HSDL2: variants seen among roughly 807,000 people sequenced by gnomAD.
The protein encoded by HSDL2 is hydroxysteroid dehydrogenase-like protein 2.
In HSDL2, 27 loss-of-function variants were observed where a neutral mutation model predicts 46.3. That is an observed-to-expected ratio of 0.58 (90% CI 0.43 to 0.80). HSDL2 has a LOEUF of 0.80. Ranked by LOEUF, HSDL2 falls within the 30% of genes least tolerant of loss-of-function variation. The probability of loss-of-function intolerance (pLI) is 0.00; values close to 1 mark genes in which losing one functional copy is unlikely to be tolerated. For synonymous variants in HSDL2, 153 were observed against 163.6 expected, an observed-to-expected ratio of 0.94 and a Z score of 0.50; for missense variants, 451 against 502.7, an observed-to-expected ratio of 0.90 and a Z score of 0.98.
intron 10 of HSDL2, among the ~76,000 whole-genome samples, chr9:112,467,399 T>C (rs1048180916): frequency 1.3e-5 from 2 of 152,146 alleles, no homozygotes; most frequent in Non-Finnish European, 2.9e-5. Context: ...TGCCAGAGTC[T>C]GGAGGCAGGG....
chr9:112,439,962 A>G (rs1179006290), intron 7 of HSDL2, among the ~76,000 whole-genome samples: 2 of 152,166 alleles, frequency 1.3e-5, no homozygotes, highest in Non-Finnish European at 2.9e-5. Context: ...GATAATGTAT[A>G]ATGTGTTTGG....
intron 1 of HSDL2, among the ~76,000 whole-genome samples, chr9:112,394,814 A>C (rs1316572880): frequency 6.6e-6 from 1 of 152,190 alleles, no homozygotes; most frequent in Non-Finnish European, 1.5e-5. Flanking sequence ...CATTAAATGC[A>C]GTGCCTTCTT....
intron 10 of HSDL2, among the ~76,000 whole-genome samples, chr9:112,467,210 A>AT (rs1186105967): frequency 2.4e-4 from 36 of 152,110 alleles, no homozygotes; most frequent in African/African-American, 8.7e-4. Flanking sequence ...AGTGTGGTAT[A>AT]TACATATAAT....
At chr9:112,434,193 G>A (rs905486544) in intron 6 of HSDL2, 4 of 152,240 alleles carry the variant, frequency 2.6e-5, no homozygotes, top group African/African-American at 9.7e-5. Flanking sequence ...ACTGGTCTGG[G>A]CAAGTATGGT....
At chr9:112,424,871 C>T (rs972525545) in intron 6 of HSDL2, among the ~76,000 whole-genome samples, 5 of 150,646 alleles carry the variant, frequency 3.3e-5, no homozygotes, top group African/African-American at 1.2e-4. Context: ...AACTATATAC[C>T]TTTATTACAA....
At chr9:112,412,944 A>G (rs1465762549) in intron 4 of HSDL2, among the ~76,000 whole-genome samples, 2 of 151,892 alleles carry the variant, frequency 1.3e-5, no homozygotes, top group Non-Finnish European at 2.9e-5. Context: ...CTCTGTTTTA[A>G]AAAAAATTAC....
At chr9:112,462,821 T>C (rs531419328) in intron 10 of HSDL2, among the ~76,000 whole-genome samples, 19 of 152,280 alleles carry the variant, frequency 1.2e-4, no homozygotes, top group Non-Finnish European at 2.6e-4. Flanking sequence ...AAAAATTCTC[T>C]CATGTCTCTT....
At chr9:112,458,384 G>A (rs1390452201) in intron 9 of HSDL2, among the ~76,000 whole-genome samples, 2 of 149,120 alleles carry the variant, frequency 1.3e-5, no homozygotes, top group Non-Finnish European at 3.0e-5. Flanking sequence ...GGAGTGCAAT[G>A]GCGCGATCTT....
chr9:112,447,594 A>T (rs1385346235), intron 8 of HSDL2, among the ~76,000 whole-genome samples: 1 of 152,206 alleles, frequency 6.6e-6, no homozygotes, highest in East Asian at 1.9e-4. Flanking sequence ...ACATGAAGGA[A>T]GCCTGTGTCA....
At chr9:112,445,508 A>G (rs1033076767) in intron 8 of HSDL2, among the ~76,000 whole-genome samples, 2 of 150,504 alleles carry the variant, frequency 1.3e-5, no homozygotes, top group Non-Finnish European at 2.9e-5. Context: ...CCTGTTTCAT[A>G]TAGTTTTTTT....
chr9:112,395,135 G>A (rs1178960931), intron 1 of HSDL2, among the ~76,000 whole-genome samples: 1 of 152,104 alleles, frequency 6.6e-6, no homozygotes, highest in Non-Finnish European at 1.5e-5. Flanking sequence ...TTTTAGGTTC[G>A]TAAGGAGAAA....
intron 10 of HSDL2, among the ~76,000 whole-genome samples, chr9:112,466,844 A>T (rs1350708100): frequency 6.6e-6 from 1 of 152,084 alleles, no homozygotes; most frequent in Non-Finnish European, 1.5e-5. Context: ...TTTTAAGTTA[A>T]TTTTTGTAGA....
intron 7 of HSDL2, chr9:112,438,832 A>G (rs1832584520): frequency 3.3e-6 from 1 of 306,526 alleles, no homozygotes. Context: ...GGGCTTTTGA[A>G]GTGATATATA....
At chr9:112,444,672 AGGTTGTAATGAGCTATGATC>A (rs1371825413) in intron 8 of HSDL2, among the ~76,000 whole-genome samples, 235 of 152,116 alleles carry the variant, frequency 1.5e-3, no homozygotes, top group Non-Finnish European at 3.1e-3. Context: ...CAGGAGTTTG[AGGTTGTAATGAGCTATGATC>A]AAGCCATTAA....
At chr9:112,408,869 G>A in intron 3 of HSDL2, 38 bp from the exon 4 acceptor site, 1 of 1,112,982 alleles carries the variant, frequency 9.0e-7, no homozygotes, top group Non-Finnish European at 1.3e-6. Context: ...GTGATAAAAA[G>A]TCTTTCATTA....
chr9:112,409,393 G>GT (rs1210593459), intron 4 of HSDL2, among the ~76,000 whole-genome samples: 1 of 151,992 alleles, frequency 6.6e-6, no homozygotes, highest in Non-Finnish European at 1.5e-5. Flanking sequence ...GTTTTACCAT[G>GT]TTGGCCAGGC....
chr9:112,403,991 G>C lies in HSDL2; in HGVS notation c.18-4G>C, dbSNP rs763431148. ...CTAATAAGGTCGTATTTGTTCTGTT[G>C]TAGGAGGCTGGCAGGATGTACAGTT... On this transcript the variant is annotated splice_region_variant and splice_polypyrimidine_tract_variant and intron_variant, in intron 1 of 10. Coordinates refer to ENST00000398805, the MANE Select transcript of HSDL2 (RefSeq NM_032303.5). The C allele has an allele frequency of 2.5e-6, 4 of 1,613,638 alleles. No homozygotes were observed. The highest frequency in any genetic ancestry group is 3.4e-6 in the Non-Finnish European group (4 of 1,179,710).
chr9:112,446,377 A>G (rs1832760819), intron 8 of HSDL2, among the ~76,000 whole-genome samples: 1 of 152,152 alleles, frequency 6.6e-6, no homozygotes, highest in South Asian at 2.1e-4. Context: ...TAATCCCAGC[A>G]CTTTGGGAGG....
chr9:112,440,747 G>A lies in HSDL2; in HGVS notation c.794-952G>A, dbSNP rs181210632. Among the ~76,000 whole-genome samples, 451 of 152,228 alleles carry A rather than the reference G, an allele frequency of 3.0e-3. 4 individuals carry two copies. Among genetic ancestry groups the A allele is most frequent in the Middle Eastern group, 0.014 (4 of 294 alleles). On this transcript the variant is annotated intron_variant, in intron 7 of 10. Transcript: ENST00000398805. ...TGAGTGTTCAGGCACGGTGGCTCACGCCCATAATCCCAGCACATTGGGAGG... is the reference window on the plus strand; with the variant it reads ...TGAGTGTTCAGGCACGGTGGCTCACACCCATAATCCCAGCACATTGGGAGG...
Sources: allele counts gnomAD v4.1 joint callset (sites outside exome capture counted in the v4.1 genomes callset), GRCh38; gene constraint gnomAD v4.1.1; transcripts MANE v1.5; gene names NCBI Gene and HGNC (gene_info 2026-07-23, HGNC 2026-07-21).